LHCGR: variants seen among roughly 807,000 people sequenced by gnomAD.
LHCGR encodes the protein lutropin-choriogonadotropic hormone receptor.
LHCGR carries 55 observed loss-of-function variants against 60.7 expected under a neutral mutation model. The observed-to-expected ratio is 0.91, with a 90% confidence interval of 0.73 to 1.13. The LOEUF is 1.13. Ranked by LOEUF, LHCGR falls within the 50% of genes most tolerant of loss-of-function variation. The pLI is 0.00. For missense variants in LHCGR, 862 were observed against 836.0 expected (o/e 1.03, Z -0.38); for synonymous variants, 337 against 316.5 (o/e 1.06, Z -0.69).
Position 48,687,012 on chromosome 2 carries a change from A to G in LHCGR, c.*685T>C, listed in dbSNP as rs1679925461. 1 of 152,200 alleles carries G rather than the reference A, an allele frequency of 6.6e-6. No individual in the cohort carries two copies. Among genetic ancestry groups the G allele is most frequent in the Non-Finnish European group, 1.5e-5 (1 of 68,036 alleles). 9.4% of individuals were successfully genotyped at this position (152,200 alleles called of 1,614,324 possible). A position where few individuals can be genotyped will look rare whatever the true frequency, so the allele number is the denominator to read the frequency against. On this transcript the variant is annotated 3_prime_UTR_variant, in exon 11 of 11. Coordinates refer to ENST00000294954, the MANE Select transcript of LHCGR (RefSeq NM_000233.4). ...TGTTTCACTAAGCAAATAGGCTGAA[A>G]TGTGCTTTCAGATGTTTACCTTAAA...
intron 1 of LHCGR, among the ~76,000 whole-genome samples, chr2:48,750,764 T>C (rs1243771848): frequency 7.2e-5 from 11 of 152,364 alleles, no homozygotes; most frequent in Non-Finnish European, 1.5e-4. Context: ...AGGTGGTTCT[T>C]ACTCTAGCAC....
chr2:48,705,676 G>C (rs1259959579), intron 8 of LHCGR, among the ~76,000 whole-genome samples: 2 of 149,826 alleles, frequency 1.3e-5, no homozygotes, highest in Non-Finnish European at 3.0e-5. Context: ...ATCTTTGTTG[G>C]TTTAAAGTCT....
intron 6 of LHCGR, among the ~76,000 whole-genome samples, chr2:48,714,328 C>T (rs1463398116): frequency 6.6e-6 from 1 of 152,100 alleles, no homozygotes; most frequent in Non-Finnish European, 1.5e-5. Flanking sequence ...ATGTAGCTTG[C>T]TTAATGTCAA....
chr2:48,689,493 C>T (rs6740726), intron 10 of LHCGR, among the ~76,000 whole-genome samples: 133,617 of 152,164 alleles, frequency 0.88, 58,944 homozygotes, highest in East Asian at 0.99. Flanking sequence ...AATAGTCCAA[C>T]AGAGAAATAG....
intron 8 of LHCGR, among the ~76,000 whole-genome samples, chr2:48,705,410 T>G (rs1249015848): frequency 6.6e-6 from 1 of 152,250 alleles, no homozygotes; most frequent in Admixed American, 6.5e-5. Flanking sequence ...TTAGGTCTTC[T>G]TGGTCCATAG....
intron 1 of LHCGR, among the ~76,000 whole-genome samples, chr2:48,753,489 A>T (rs2103756143): frequency 6.6e-6 from 1 of 152,258 alleles, no homozygotes; most frequent in African/African-American, 2.4e-5. Flanking sequence ...AGGCTAAATG[A>T]CTGGCAGAGG....
intron 10 of LHCGR, 125 bp downstream of exon 10, chr2:48,694,099 T>C (rs1436764807): frequency 5.7e-6 from 4 of 702,018 alleles, no homozygotes; most frequent in Non-Finnish European, 1.0e-5. Flanking sequence ...TTTAAAACTA[T>C]TAAAAGTTGC....
At chr2:48,749,848 C>T (rs1669879083) in intron 1 of LHCGR, among the ~76,000 whole-genome samples, 1 of 152,028 alleles carries the variant, frequency 6.6e-6, no homozygotes, top group Non-Finnish European at 1.5e-5. Flanking sequence ...ATTTTGGGAA[C>T]TCTGTTGCTT....
At chr2:48,751,560 C>T (rs976946061) in intron 1 of LHCGR, among the ~76,000 whole-genome samples, 6 of 152,128 alleles carry the variant, frequency 3.9e-5, no homozygotes, top group African/African-American at 1.4e-4. Flanking sequence ...ACACCTATAC[C>T]AGTCTCTTGG....
chr2:48,716,112 A>G (rs1668239207), intron 6 of LHCGR, among the ~76,000 whole-genome samples: 1 of 151,866 alleles, frequency 6.6e-6, no homozygotes, highest in Admixed American at 6.6e-5. Flanking sequence ...CCCTTTCTAT[A>G]TTGCAGAATC....
chr2:48,746,852 A>G (rs147607718), intron 1 of LHCGR, among the ~76,000 whole-genome samples: 2 of 152,320 alleles, frequency 1.3e-5, no homozygotes, highest in African/African-American at 2.4e-5. Context: ...AAATAAAACT[A>G]CATGTTGGGT....
At chr2:48,697,267 C>T (rs1411998904) in intron 9 of LHCGR, among the ~76,000 whole-genome samples, 1 of 152,228 alleles carries the variant, frequency 6.6e-6, no homozygotes, top group African/African-American at 2.4e-5. Context: ...TAAATCACTT[C>T]CCTCAGGAAG....
At chr2:48,689,804 TC>T (rs1307266601) in intron 10 of LHCGR, among the ~76,000 whole-genome samples, 1 of 152,106 alleles carries the variant, frequency 6.6e-6, no homozygotes, top group Non-Finnish European at 1.5e-5. Flanking sequence ...AACCTCTGCC[TC>T]CCAGGTTCAA....
intron 8 of LHCGR, among the ~76,000 whole-genome samples, chr2:48,706,742 G>A (rs904285068): frequency 8.5e-5 from 13 of 152,210 alleles, no homozygotes; most frequent in South Asian, 2.1e-4. Flanking sequence ...GCTCCGTCAC[G>A]TCATTTATGT....
At chr2:48,716,701 A>T (rs7571983) in intron 6 of LHCGR, among the ~76,000 whole-genome samples, 1 of 152,132 alleles carries the variant, frequency 6.6e-6, no homozygotes, top group Non-Finnish European at 1.5e-5. Flanking sequence ...AAAATTTTGC[A>T]CCTAGGATGT....
intron 6 of LHCGR, among the ~76,000 whole-genome samples, chr2:48,722,287 T>C (rs1186709546): frequency 6.6e-6 from 1 of 152,208 alleles, no homozygotes; most frequent in East Asian, 1.9e-4. Flanking sequence ...GGTTGAGTTA[T>C]CTTAGTGGAG....
intron 1 of LHCGR, among the ~76,000 whole-genome samples, chr2:48,733,430 A>C (rs1226132356): frequency 1.3e-5 from 2 of 152,208 alleles, no homozygotes; most frequent in Non-Finnish European, 2.9e-5. Context: ...AAGTGCAAGA[A>C]GCTGTAGATC....
At chr2:48,722,625 G>T (rs556569520) in intron 6 of LHCGR, among the ~76,000 whole-genome samples, 1 of 152,146 alleles carries the variant, frequency 6.6e-6, no homozygotes, top group Non-Finnish European at 1.5e-5. Flanking sequence ...GGCCATGTGA[G>T]GTGCTGGCTC....
intron 2 of LHCGR, among the ~76,000 whole-genome samples, 184 bp downstream of exon 2, chr2:48,731,043 T>G (rs2103629961): frequency 6.6e-6 from 1 of 152,302 alleles, no homozygotes; most frequent in South Asian, 2.1e-4. Context: ...TAATGACTCT[T>G]AAAAATCATA....
Sources: gnomAD v4.1 joint callset for allele counts (sites outside exome capture counted in the v4.1 genomes callset) on GRCh38, gnomAD v4.1.1 for gene constraint, MANE v1.5 for transcripts, NCBI Gene and HGNC (gene_info 2026-07-23, HGNC 2026-07-21) for gene names.